Variants in FSTL5 observed in about 807,000 individuals in gnomAD.
FSTL5 encodes follistatin-related protein 5.
A neutral mutation model predicts 89.1 loss-of-function variants in FSTL5; 62 were observed. That is an observed-to-expected ratio of 0.70 (90% CI 0.57 to 0.86). FSTL5 has a LOEUF of 0.86. FSTL5 is among the 40% of genes least tolerant of loss of function. The probability of loss-of-function intolerance (pLI) is 0.00; values close to 1 mark genes in which losing one functional copy is unlikely to be tolerated. For missense variants in FSTL5, 1,057 were observed against 1,001.6 expected (o/e 1.06, Z -0.75); for synonymous variants, 383 against 346.2 (o/e 1.11, Z -1.18).
chr4:161,499,268 A>G (rs990677945), intron 12 of FSTL5, among the ~76,000 whole-genome samples: 2 of 152,212 alleles, frequency 1.3e-5, no homozygotes, highest in African/African-American at 4.8e-5. Flanking sequence ...TAATTAAGTT[A>G]TAACTTAACC....
intron 2 of FSTL5, among the ~76,000 whole-genome samples, chr4:162,048,860 C>T (rs1008786545): frequency 6.6e-6 from 1 of 152,114 alleles, no homozygotes; most frequent in African/African-American, 2.4e-5. Context: ...TAGCTGAAAA[C>T]TGAAACAGTC....
intron 3 of FSTL5, among the ~76,000 whole-genome samples, chr4:161,961,958 A>T (rs1486927047): frequency 6.6e-6 from 1 of 151,790 alleles, no homozygotes; most frequent in Admixed American, 6.6e-5. Context: ...ATTTAAGCAG[A>T]TTAGTTATCT....
intron 15 of FSTL5, among the ~76,000 whole-genome samples, chr4:161,427,257 T>C (rs184380456): frequency 2.6e-5 from 4 of 152,362 alleles, no homozygotes; most frequent in Admixed American, 1.3e-4. Flanking sequence ...TTATATGCTA[T>C]GTCAGCCATG....
At chr4:161,519,031 G>A (rs954985902) in intron 10 of FSTL5, among the ~76,000 whole-genome samples, 1 of 152,156 alleles carries the variant, frequency 6.6e-6, no homozygotes, top group African/African-American at 2.4e-5. Flanking sequence ...TCCTCACATT[G>A]TGTCAATGGG....
At chr4:162,151,316 G>C (rs1040751055) in intron 1 of FSTL5, among the ~76,000 whole-genome samples, 2 of 152,124 alleles carry the variant, frequency 1.3e-5, no homozygotes, top group Admixed American at 6.6e-5. Flanking sequence ...TTTCAAATAT[G>C]TAAGGTATAT....
At chr4:162,139,253 T>G (rs554235488) in intron 1 of FSTL5, among the ~76,000 whole-genome samples, 1 of 152,184 alleles carries the variant, frequency 6.6e-6, no homozygotes, top group East Asian at 1.9e-4. Flanking sequence ...GGAAACCATT[T>G]TGGAGTCCCC....
rs76807801 is a variant in FSTL5 at position 161,810,424 on chromosome 4, G to A, written c.410-34350C>T. ...GGGAAAAATGAATGTTATAAAAGATGGTCACAATAATGTGTATATTCACTT... is the reference window on the plus strand; with the variant it reads ...GGGAAAAATGAATGTTATAAAAGATAGTCACAATAATGTGTATATTCACTT... On this transcript the variant is annotated intron_variant, in intron 4 of 15. Transcript: ENST00000306100. Among the ~76,000 whole-genome samples, 887 of 152,134 alleles carry A rather than the reference G, an allele frequency of 5.8e-3. 5 individuals carry two copies. The highest frequency in any genetic ancestry group is 0.02 in the African/African-American group (827 of 41,528).
At chr4:162,087,533 T>C (rs1382147874) in intron 2 of FSTL5, among the ~76,000 whole-genome samples, 1 of 152,060 alleles carries the variant, frequency 6.6e-6, no homozygotes, top group African/African-American at 2.4e-5. Context: ...CCAATAGAGG[T>C]TGTCTAACAC....
chr4:161,449,268 C>T (rs1733065522), intron 15 of FSTL5, among the ~76,000 whole-genome samples: 1 of 152,116 alleles, frequency 6.6e-6, no homozygotes, highest in Non-Finnish European at 1.5e-5. Context: ...ACATAATCAA[C>T]CAATGAACCC....
At chr4:161,852,054 C>T (rs948056975) in intron 4 of FSTL5, among the ~76,000 whole-genome samples, 1 of 151,948 alleles carries the variant, frequency 6.6e-6, no homozygotes, top group African/African-American at 2.4e-5. Context: ...TTTATTTATG[C>T]CATCTTCCAG....
chr4:161,885,147 C>T (rs576373224), intron 4 of FSTL5, among the ~76,000 whole-genome samples: 6 of 152,034 alleles, frequency 3.9e-5, no homozygotes, highest in Non-Finnish European at 8.8e-5. Flanking sequence ...TAAATACACA[C>T]AAAATAACTC....
At chr4:161,544,535 A>G (rs930922868) in intron 8 of FSTL5, among the ~76,000 whole-genome samples, 3 of 152,064 alleles carry the variant, frequency 2.0e-5, no homozygotes, top group Non-Finnish European at 2.9e-5. Context: ...GGGGGTGACA[A>G]TGTTCTAGGC....
At position 162,076,747 on chromosome 4, in the gene FSTL5, T is replaced by C. The variant is rs2111323367; in HGVS notation, c.126+34524A>G. Among the ~76,000 whole-genome samples, 4 of 151,940 alleles carry C rather than the reference T, an allele frequency of 2.6e-5. No homozygotes were observed. The Middle Eastern group carries it at 0.014, about 517-fold the overall frequency. On this transcript the variant is annotated intron_variant, in intron 2 of 15. Transcript: ENST00000306100. ...AAAATTATAAGCTAAGGGCTTCATA[T>C]GCTCAGATGAGAGGCCCAAACAGGT...
chr4:162,050,982 T>C (rs933543117), intron 2 of FSTL5, among the ~76,000 whole-genome samples: 1 of 151,562 alleles, frequency 6.6e-6, no homozygotes, highest in Non-Finnish European at 1.5e-5. Context: ...ATAATAATAA[T>C]TGTAAATGTT....
At chr4:161,649,827 CAAT>C (rs1222963728) in intron 7 of FSTL5, among the ~76,000 whole-genome samples, 2 of 152,164 alleles carry the variant, frequency 1.3e-5, no homozygotes, top group Non-Finnish European at 2.9e-5. Flanking sequence ...ACAACAGCAA[CAAT>C]AAGTGTCATT....
intron 5 of FSTL5, among the ~76,000 whole-genome samples, chr4:161,767,465 G>T (rs577789738): frequency 6.6e-6 from 1 of 152,244 alleles, no homozygotes; most frequent in East Asian, 1.9e-4. Context: ...AGTCAATTTA[G>T]ACCGTAGCTT....
rs1342659881 is a variant in FSTL5, at chr4:161,647,789, T to G, written c.894+8539A>C. Among the ~76,000 whole-genome samples, 4 of 152,014 alleles carry G rather than the reference T, an allele frequency of 2.6e-5. No individual in the cohort carries two copies. The East Asian group carries it at 7.8e-4, about 30-fold the overall frequency. ...AGGGCTCCACTCCTACAGACCTAGG[T>G]GAGGACAGGCATTTTTGTTTTCCTG... On this transcript the variant is annotated intron_variant, in intron 7 of 15. Transcript: ENST00000306100.
intron 2 of FSTL5, among the ~76,000 whole-genome samples, chr4:162,095,299 T>C (rs553309644): frequency 6.6e-6 from 1 of 152,210 alleles, no homozygotes; most frequent in Non-Finnish European, 1.5e-5. Context: ...AAGAAGGTGT[T>C]CAAAAATTTC....
chr4:161,809,202 C>CTGGAGCA (rs1320864854), intron 4 of FSTL5, among the ~76,000 whole-genome samples: 1 of 152,064 alleles, frequency 6.6e-6, no homozygotes, highest in Non-Finnish European at 1.5e-5. Flanking sequence ...CTGGGCAACA[C>CTGGAGCA]AGCGAGACTC....
Sources: gnomAD v4.1 joint callset for allele counts (sites outside exome capture counted in the v4.1 genomes callset) on GRCh38, gnomAD v4.1.1 for gene constraint, MANE v1.5 for transcripts, NCBI Gene and HGNC (gene_info 2026-07-23, HGNC 2026-07-21) for gene names.